Variants in ACSF2 observed in about 807,000 individuals in gnomAD.
ACSF2 encodes the protein acyl-CoA synthetase family member 2.
Under a neutral mutation model 79.3 loss-of-function variants are expected in ACSF2, and 52 were observed. The observed-to-expected ratio is 0.66, with a 90% confidence interval of 0.53 to 0.83. The LOEUF is 0.83. Ranked by LOEUF, ACSF2 falls within the 40% of genes least tolerant of loss-of-function variation. ACSF2 has a pLI of 0.00. For synonymous variants in ACSF2, 283 were observed against 312.6 expected (o/e 0.91, Z 1.00); for missense variants, 661 against 803.3 (o/e 0.82, Z 2.14).
At chr17:50,426,763 A>T in intron 1 of ACSF2, 1 of 898,594 alleles carries the variant, frequency 1.1e-6, no homozygotes, top group Non-Finnish European at 1.7e-6. Context: ...GAACCCCTTC[A>T]TGGGCAAACT....
At chr17:50,466,165 C>T (rs1430408734) in intron 10 of ACSF2, among the ~76,000 whole-genome samples, 3 of 149,062 alleles carry the variant, frequency 2.0e-5, no homozygotes, top group Non-Finnish European at 4.4e-5. Context: ...CAGCTCACTG[C>T]AAGCTCCGCC....
In ACSF2 at chr17:50,468,255, G is replaced by T. The variant is rs368700315; in HGVS notation, c.1216-2773G>T. 68 of 1,611,508 alleles carry T rather than the reference G, an allele frequency of 4.2e-5. No homozygotes were observed. Among genetic ancestry groups the T allele is most frequent in the Middle Eastern group, 1.6e-4 (1 of 6,076 alleles). On this transcript the variant is annotated intron_variant, in intron 10 of 15. Transcript: ENST00000300441. ...TCCACGTCGTCCAGGGCCCCGGGCT[G>T]CAGGGAGCTCAACGCGTTTTCCGAC...
chr17:50,439,262 A>G (rs1324454070), intron 1 of ACSF2, among the ~76,000 whole-genome samples: 31 of 113,548 alleles, frequency 2.7e-4, no homozygotes, highest in Admixed American at 1.3e-3. Flanking sequence ...TTTTTTTTAG[A>G]GATGGTCTTG....
intron 1 of ACSF2, among the ~76,000 whole-genome samples, chr17:50,440,911 A>G (rs969872852): frequency 1.3e-4 from 20 of 152,250 alleles, no homozygotes; most frequent in African/African-American, 4.1e-4. Flanking sequence ...AGATACCACA[A>G]GGAGATGGAA....
chr17:50,470,308 A>G (rs1052363482), intron 10 of ACSF2: 1 of 152,210 alleles, frequency 6.6e-6, no homozygotes, highest in African/African-American at 2.4e-5. Flanking sequence ...TACTTGGCCT[A>G]GACCATTCCT....
intron 10 of ACSF2, among the ~76,000 whole-genome samples, chr17:50,469,713 G>T (rs2033011746): frequency 1.3e-5 from 2 of 152,290 alleles, no homozygotes; most frequent in Admixed American, 1.3e-4. Context: ...AACCCTAGTG[G>T]TCAGGACCCG....
chr17:50,453,296 C>A (rs1404069026), intron 1 of ACSF2, among the ~76,000 whole-genome samples: 1 of 152,010 alleles, frequency 6.6e-6, no homozygotes, highest in African/African-American at 2.4e-5. Context: ...GCAACCTCTA[C>A]CTCTTGGATT....
chr17:50,464,602 G>A, intron 10 of ACSF2: 1 of 549,410 alleles, frequency 1.8e-6, no homozygotes, highest in Non-Finnish European at 3.5e-6. Context: ...CCTGGCAGGT[G>A]GGGGCTGGCA....
At chr17:50,439,364 C>T (rs1054863314) in intron 1 of ACSF2, among the ~76,000 whole-genome samples, 8 of 151,874 alleles carry the variant, frequency 5.3e-5, no homozygotes, top group East Asian at 3.9e-4. Context: ...CATGAGCCAC[C>T]GTGTCCAGCA....
intron 1 of ACSF2, among the ~76,000 whole-genome samples, chr17:50,447,680 T>A (rs1010296246): frequency 1.3e-5 from 2 of 152,186 alleles, no homozygotes; most frequent in African/African-American, 2.4e-5. Flanking sequence ...ACAAATCTCA[T>A]AGGGAATACA....
Position 50,460,735 on chromosome 17 carries a change from G to A in ACSF2, c.187G>A (p.Gly63Arg), listed in dbSNP as rs757956148. The A allele has an allele frequency of 6.2e-7, 1 of 1,613,516 alleles. No homozygotes were observed. The highest frequency in any genetic ancestry group is 1.1e-5 in the South Asian group (1 of 90,868). Reference protein sequence around the residue: ...TPIGGLSYVQGCTKKHLNSKT... With the variant: ...TPIGGLSYVQRCTKKHLNSKT... ...CATCGGAGGCCTCAGCTACGTTCAG[G>A]GGTGCACCAAAAAGCATCTTAACAG... The change falls in exon 2 of 16, where the codon GGG becomes AGG. Residue 63 changes from glycine to arginine, a missense_variant. Physicochemically the swap from Gly to Arg is moderately radical, Grantham distance 125. Coordinates refer to ENST00000300441, the MANE Select transcript of ACSF2 (RefSeq NM_025149.6).
rs1413851388 is a variant in ACSF2, at chr17:50,460,282, C to T, written c.129-395C>T. The T allele has an allele frequency of 6.5e-6, 3 of 462,214 alleles. No homozygotes were observed. The Admixed American group carries it at 7.0e-5, about 11-fold the overall frequency. The allele number at this position is 462,214 out of a possible 1,614,324, so 28.6% of individuals were successfully genotyped here. On this transcript the variant is annotated intron_variant, in intron 1 of 15. Transcript: ENST00000300441. ...TCAAGCCCAGGGTCCAGGCACGCTT[C>T]CCTGGTTCCTCAGGAAGGACCCCAG...
chr17:50,465,732 T>TA, intron 10 of ACSF2: 1 of 1,613,516 alleles, frequency 6.2e-7, no homozygotes, highest in Non-Finnish European at 8.5e-7. Context: ...AGCTGGCAGG[T>TA]ACACTTCCAG....
chr17:50,463,884 T>C lies in ACSF2; in HGVS notation c.1113T>C (p.Ser371=). The C allele has an allele frequency of 6.2e-7, 1 of 1,614,156 alleles. No individual in the cohort carries two copies. ...VDILNQPDFS[S]YDISTMCGGV... ...TTCTGAACCAGCCAGACTTCTCCAG[T>C]TATGACATCTCGACCATGTGTGGAG... Residue 371 remains serine (S), a synonymous_variant, in exon 9 of 16, where the codon AGT becomes AGC. Transcript: ENST00000300441. This position sits in a 1 kb window ranked among gnomAD's most constrained non-coding sequence, Gnocchi z 4.6.
intron 10 of ACSF2, chr17:50,465,729 A>T (rs1170034466): frequency 6.2e-7 from 1 of 1,613,684 alleles, no homozygotes; most frequent in Admixed American, 1.7e-5. Context: ...CGGAGCTGGC[A>T]GGTACACTTC....
At position 50,466,418 on chromosome 17, in the gene ACSF2, G is replaced by A. The variant is rs145562951; in HGVS notation, c.1215+2124G>A. Among the ~76,000 whole-genome samples the A allele has an allele frequency of 2.9e-3, 439 of 152,274 alleles. 3 individuals carry two copies. The highest frequency in any genetic ancestry group is 0.015 in the East Asian group (79 of 5,180). ...GGTGTTATTTTCAATATGCAAATGG[G>A]GAAACGGAAAAAGCGCAGTCCTTTG... is the stretch of plus-strand genomic sequence containing the variant. On this transcript the variant is annotated intron_variant, in intron 10 of 15. Transcript: ENST00000300441.
At chr17:50,426,910 G>A (rs940221166) in intron 1 of ACSF2, 4 of 1,535,644 alleles carry the variant, frequency 2.6e-6, no homozygotes, top group African/African-American at 2.7e-5. Context: ...CTCAGTGCAA[G>A]GGGTGGGATG....
At chr17:50,459,960 A>C (rs1295448714) in intron 1 of ACSF2, among the ~76,000 whole-genome samples, 1 of 152,092 alleles carries the variant, frequency 6.6e-6, no homozygotes, top group East Asian at 1.9e-4. Context: ...CCAGCTTCTT[A>C]ATTCCCTGGA....
In ACSF2 at chr17:50,472,455, A is replaced by G. The variant is rs769813319; in HGVS notation, c.1351A>G (p.Thr451Ala). ...EARIMNMEAG[T>A]LAKLNTPGEL... ...CCGGATCATGAACATGGAGGCAGGG[A>G]CGCTGGCAAAGCTGAACACGCCCGG... Residue 451 changes from threonine to alanine, a missense_variant, in exon 12 of 16, where the codon ACG becomes GCG. By Grantham distance (58) the Thr-to-Ala change is moderately conservative. Coordinates refer to ENST00000300441, the MANE Select transcript of ACSF2 (RefSeq NM_025149.6). The G allele has an allele frequency of 2.0e-5, 32 of 1,612,602 alleles. No homozygotes were observed. The highest frequency in any genetic ancestry group is 1.4e-5 in the Non-Finnish European group (17 of 1,179,372).
Sources: allele counts gnomAD v4.1 joint callset (sites outside exome capture counted in the v4.1 genomes callset), GRCh38; gene constraint gnomAD v4.1.1; non-coding constraint Gnocchi (gnomAD v3.1); transcripts MANE v1.5; gene names NCBI Gene and HGNC (gene_info 2026-07-23, HGNC 2026-07-21).